The following COL9A1 variants were observed in gnomAD, a reference collection of about 807,000 sequenced individuals.
The protein encoded by COL9A1 is collagen alpha-1(IX) chain.
Under a neutral mutation model 142.6 loss-of-function variants are expected in COL9A1, and 104 were observed. The ratio of observed to expected loss-of-function variants is 0.73; its 90% CI spans 0.62 to 0.86. The LOEUF is 0.86. COL9A1 is among the 40% of genes least tolerant of loss of function. The pLI, the probability that COL9A1 is intolerant of heterozygous loss-of-function variation, is 0.00. For missense variants in COL9A1, 1,210 were observed against 1,176.6 expected (o/e 1.03, Z -0.42); for synonymous variants, 466 against 396.0 (o/e 1.18, Z -2.10).
At chr6:70,284,040 T>C (rs766667415) in intron 5 of COL9A1, among the ~76,000 whole-genome samples, 14 of 152,166 alleles carry the variant, frequency 9.2e-5, no homozygotes, top group Non-Finnish European at 1.8e-4. Flanking sequence ...GGTATAGATG[T>C]CTTTAGCTTT....
At chr6:70,237,430 G>C (rs1166460833) in intron 33 of COL9A1, among the ~76,000 whole-genome samples, 4 of 152,204 alleles carry the variant, frequency 2.6e-5, no homozygotes, top group African/African-American at 7.2e-5. Context: ...GTAAGTCTTT[G>C]TGTTAGTAAC....
At chr6:70,251,837 T>C (rs568027985) in intron 28 of COL9A1, among the ~76,000 whole-genome samples, 1 of 152,334 alleles carries the variant, frequency 6.6e-6, no homozygotes, top group East Asian at 1.9e-4. Context: ...GTATGTGAAT[T>C]GTATCTCAAC....
chr6:70,270,968 C>T (rs912495653), intron 14 of COL9A1, among the ~76,000 whole-genome samples: 2 of 152,176 alleles, frequency 1.3e-5, no homozygotes, highest in Non-Finnish European at 2.9e-5. Flanking sequence ...GGCACATTTT[C>T]CTTCTTGATG....
intron 11 of COL9A1, among the ~76,000 whole-genome samples, chr6:70,274,382 GC>G (rs572009098): frequency 2.0e-4 from 31 of 151,946 alleles, no homozygotes; most frequent in Admixed American, 1.1e-3. Context: ...TTTCTGACAG[GC>G]CCCTGTGTGT....
intron 5 of COL9A1, among the ~76,000 whole-genome samples, chr6:70,291,295 G>A (rs898029740): frequency 6.6e-6 from 1 of 152,108 alleles, no homozygotes; most frequent in African/African-American, 2.4e-5. Context: ...CCAAATGAGA[G>A]TCCATCTGTC....
chr6:70,294,640 G>T (rs1412080334), intron 4 of COL9A1, 77 bp from the exon 5 acceptor site: 27 of 1,420,422 alleles, frequency 1.9e-5, no homozygotes, highest in Middle Eastern at 2.0e-4. Context: ...CCCTTTTGAG[G>T]CCATTTTAGA....
At chr6:70,270,508 G>C in intron 14 of COL9A1, 141 bp from the exon 15 acceptor site, 1 of 570,610 alleles carries the variant, frequency 1.8e-6, no homozygotes, top group Non-Finnish European at 3.0e-6. Context: ...CAAAATCGAT[G>C]GGTGGCCCGT....
chr6:70,240,634 CT>C (rs1770195943), intron 32 of COL9A1, 54 bp downstream of exon 32: 4 of 1,264,604 alleles, frequency 3.2e-6, no homozygotes, highest in African/African-American at 1.5e-5. Context: ...ATATATACTT[CT>C]AACAGTTCAA....
chr6:70,233,956 T>C (rs1343567180), intron 35 of COL9A1, among the ~76,000 whole-genome samples: 1 of 152,214 alleles, frequency 6.6e-6, no homozygotes, highest in Non-Finnish European at 1.5e-5. Context: ...ACTAGACCAA[T>C]TCTGAAACAA....
downstream of COL9A1, chr6:70,215,884 T>G (rs1029838326): frequency 6.0e-5 from 9 of 149,812 alleles, no homozygotes; most frequent in Admixed American, 2.0e-4. Flanking sequence ...TTCGAAAAGG[T>G]CCATGAAGCT....
chr6:70,273,980 T>G, intron 12 of COL9A1, 67 bp downstream of exon 12: 1 of 886,602 alleles, frequency 1.1e-6, no homozygotes. Flanking sequence ...AATAAAAAGA[T>G]TTCACAATGG....
intron 28 of COL9A1, among the ~76,000 whole-genome samples, chr6:70,244,575 A>G (rs1416312503): frequency 6.6e-6 from 1 of 152,234 alleles, no homozygotes; most frequent in Non-Finnish European, 1.5e-5. Flanking sequence ...GGAAAAGTTA[A>G]TATCAGAAGG....
intron 33 of COL9A1, among the ~76,000 whole-genome samples, chr6:70,237,442 A>G (rs1769984486): frequency 6.6e-6 from 1 of 152,228 alleles, no homozygotes. Flanking sequence ...GTTAGTAACA[A>G]TTTCCCCTGA....
chr6:70,233,229 A>G (rs1769668794), intron 35 of COL9A1, among the ~76,000 whole-genome samples: 1 of 152,260 alleles, frequency 6.6e-6, no homozygotes, highest in Non-Finnish European at 1.5e-5. Flanking sequence ...ATATTCAGAC[A>G]CCATTTGAGA....
chr6:70,225,885 G>A, intron 37 of COL9A1, 47 bp downstream of exon 37: 1 of 1,390,154 alleles, frequency 7.2e-7, no homozygotes. Context: ...CTGTGTACTT[G>A]CTACCAATTT....
chr6:70,273,203 T>A (rs1772519009), intron 12 of COL9A1, among the ~76,000 whole-genome samples: 1 of 152,214 alleles, frequency 6.6e-6, no homozygotes, highest in Non-Finnish European at 1.5e-5. Context: ...TTGAACACTT[T>A]AATACATAGG....
intron 4 of COL9A1, among the ~76,000 whole-genome samples, chr6:70,297,485 A>C (rs866722397): frequency 1.3e-5 from 2 of 152,150 alleles, no homozygotes. Flanking sequence ...TATATACCTA[A>C]GACCACTTAA....
intron 37 of COL9A1, among the ~76,000 whole-genome samples, chr6:70,221,168 T>G (rs964086436): frequency 2.6e-5 from 4 of 152,302 alleles, no homozygotes; most frequent in Admixed American, 1.3e-4. Context: ...CATGTTACAC[T>G]GATGGAAGCC....
intron 4 of COL9A1, among the ~76,000 whole-genome samples, chr6:70,296,708 T>G (rs1773861835): frequency 6.6e-6 from 1 of 152,162 alleles, no homozygotes; most frequent in Non-Finnish European, 1.5e-5. Context: ...AATTTGGAGC[T>G]GGGAGATACA....
Sources: allele counts gnomAD v4.1 joint callset (sites outside exome capture counted in the v4.1 genomes callset), GRCh38; gene constraint gnomAD v4.1.1; transcripts MANE v1.5; gene names NCBI Gene and HGNC (gene_info 2026-07-23, HGNC 2026-07-21).